CD93: variants seen among roughly 807,000 people sequenced by gnomAD.
The protein encoded by CD93 is complement component C1q receptor.
CD93 carries 44 observed loss-of-function variants against 45.5 expected under a neutral mutation model. The observed-to-expected ratio is 0.97, with a 90% confidence interval of 0.76 to 1.24. The LOEUF (loss-of-function observed/expected upper bound fraction) is 1.24, where lower values mean the gene tolerates loss of function less well. CD93 is among the 50% of genes most tolerant of loss of function. The pLI is 0.00. For missense variants in CD93, 918 were observed against 844.5 expected (o/e 1.09, Z -1.08); for synonymous variants, 431 against 370.8 (o/e 1.16, Z -1.87).
In CD93 at chr20:23,082,316, A is replaced by C. The variant is rs943751400; in HGVS notation, c.*1634T>G. 6.6e-6 allele frequency: 1 copy of C among 152,234 alleles called. No homozygotes were observed. Among genetic ancestry groups the C allele is most frequent in the Middle Eastern group, 3.2e-3 (1 of 316 alleles). The allele number at this position is 152,234 out of a possible 1,614,324, so 9.4% of individuals were successfully genotyped here. On this transcript the variant is annotated 3_prime_UTR_variant, in exon 2 of 2. Coordinates refer to ENST00000246006, the MANE Select transcript of CD93 (RefSeq NM_012072.4). ...CTCCAGAGTGTCACCTCAGAGACCG[A>C]TGCATTGCTAAGGCAAAACCAGAAA... is the stretch of plus-strand genomic sequence containing the variant.
Position 23,083,608 on chromosome 20 carries a change from G to C in CD93, c.*342C>G, listed in dbSNP as rs922439971. 1.9e-5 allele frequency: 7 copies of C among 367,714 alleles called. No homozygotes were observed. Among genetic ancestry groups the C allele is most frequent in the Non-Finnish European group, 3.0e-5 (6 of 198,604 alleles). 22.8% of individuals were successfully genotyped at this position (367,714 alleles called of 1,614,324 possible). The stretch of plus-strand genomic sequence containing the variant: ...TTTTCCTCTTAGATGGTGGAAGTGA[G>C]CAGAGAAGATATTCAGGGGAGCCCC... On this transcript the variant is annotated 3_prime_UTR_variant, in exon 2 of 2. Transcript: ENST00000246006.
chr20:23,085,040 C>A lies in CD93; in HGVS notation c.1153G>T (p.Asp385Tyr). 3 of 1,613,918 alleles carry A rather than the reference C, an allele frequency of 1.9e-6. No homozygotes were observed. The highest frequency in any genetic ancestry group is 2.5e-6 in the Non-Finnish European group (3 of 1,179,950). ...CGACCCAGAGCACACTCATCCACAT[C>A]CTGACAGGCCCCCTCTCCAGGACCG... is the stretch of plus-strand genomic sequence containing the variant. ...PGGPGEGACQ[D>Y]VDECALGRSP... The change falls in exon 1 of 2, where the codon GAT becomes TAT. Residue 385 changes from aspartate (D) to tyrosine (Y), a missense_variant. By Grantham distance (160) the Asp-to-Tyr change is radical. Transcript: ENST00000246006.
Position 23,085,101 on chromosome 20 carries a change from G to A in CD93, c.1092C>T (p.Gly364=), listed in dbSNP as rs200444106. ...CAQECVNTPG[G]FRCECWVGYE... is the part of the protein sequence containing the mutation. ...AGCCAACCCAGCATTCGCAGCGGAA[G>A]CCCCCAGGGGTGTTGACACACTCCT... Residue 364 remains glycine (G), a synonymous_variant, in exon 1 of 2, where the codon GGC becomes GGT. Coordinates refer to ENST00000246006, the MANE Select transcript of CD93 (RefSeq NM_012072.4). The A allele has an allele frequency of 1.1e-5, 17 of 1,602,392 alleles. No homozygotes were observed. The South Asian group carries it at 1.9e-4, about 18-fold the overall frequency.
rs554324618 is a variant in CD93 at position 23,084,237 on chromosome 20, G to A, written c.1934+22C>T. On this transcript the variant is annotated intron_variant, in intron 1 of 1. Transcript: ENST00000246006. ...CCCATGCCTGCCCATCCCCTCCCCCGGTCACTCAGGGCCCCCTTTACCTGT... is the reference window on the plus strand; with the variant it reads ...CCCATGCCTGCCCATCCCCTCCCCCAGTCACTCAGGGCCCCCTTTACCTGT... 2.9e-5 allele frequency: 46 copies of A among 1,608,370 alleles called. No individual in the cohort carries two copies. In the South Asian group the frequency reaches 3.3e-4, roughly 12 times the overall value.
In CD93 at chr20:23,085,055, C is replaced by G; in HGVS notation, c.1138G>C (p.Glu380Gln). ...TCATCCACATCCTGACAGGCCCCCT[C>G]TCCAGGACCGCCCGGCTCATAGCCA... ...WVGYEPGGPG[E>Q]GACQDVDECA... The change falls in exon 1 of 2, where the codon GAG becomes CAG. Residue 380 changes from glutamate (E) to glutamine (Q), a missense_variant. By Grantham distance (29) the Glu-to-Gln change is conservative. Transcript: ENST00000246006. 6.2e-7 allele frequency: 1 copy of G among 1,613,700 alleles called. No homozygotes were observed. The highest frequency in any genetic ancestry group is 8.5e-7 in the Non-Finnish European group (1 of 1,179,838).
Position 23,085,369 on chromosome 20 carries a change from C to G in CD93, c.824G>C (p.Cys275Ser). The G allele has an allele frequency of 6.2e-7, 1 of 1,614,024 alleles. No homozygotes were observed. The highest frequency in any genetic ancestry group is 1.1e-5 in the South Asian group (1 of 91,086). ...GAAGGAGCCATCCCCCCCTTCAAAG[C>G]AGTCCTGGTGGCAGCCCCCATTGTT... ...NFNNGGCHQD[C>S]FEGGDGSFLC... The change falls in exon 1 of 2, where the codon TGC becomes TCC. Residue 275 changes from cysteine to serine, a missense_variant. Cys to Ser is a moderately radical substitution (Grantham distance 112). Transcript: ENST00000246006.
chr20:23,083,601 G>C lies in CD93; in HGVS notation c.*349C>G, dbSNP rs1985383793. The C allele has an allele frequency of 3.1e-6, 1 of 325,956 alleles. No homozygotes were observed. Among genetic ancestry groups the C allele is most frequent in the Non-Finnish European group, 5.7e-6 (1 of 174,790 alleles). 20.2% of individuals were successfully genotyped at this position (325,956 alleles called of 1,614,324 possible). A position where few individuals can be genotyped will look rare whatever the true frequency, so the allele number is the denominator to read the frequency against. ...ACTCACCTTTTCCTCTTAGATGGTG[G>C]AAGTGAGCAGAGAAGATATTCAGGG... On this transcript the variant is annotated 3_prime_UTR_variant, in exon 2 of 2. Coordinates refer to ENST00000246006, the MANE Select transcript of CD93 (RefSeq NM_012072.4).
Position 23,085,519 on chromosome 20 carries a change from C to T in CD93, c.674G>A (p.Cys225Tyr). Residue 225 changes from cysteine (C) to tyrosine (Y), a missense_variant, in exon 1 of 2, where the codon TGT becomes TAT. By Grantham distance (194) the Cys-to-Tyr change is radical. Coordinates refer to ENST00000246006, the MANE Select transcript of CD93 (RefSeq NM_012072.4). Reference protein sequence around the residue: ...VPFASAANVACGEGDKDETQS... With the variant: ...VPFASAANVAYGEGDKDETQS... The stretch of plus-strand genomic sequence containing the variant: ...AGTCTCGTCCTTGTCACCTTCCCCA[C>T]AGGCTACATTGGCCGCAGAGGCAAA... The T allele has an allele frequency of 6.2e-7, 1 of 1,613,954 alleles. No individual in the cohort carries two copies. The highest frequency in any genetic ancestry group is 1.3e-5 in the African/African-American group (1 of 75,064).
In CD93 at chr20:23,084,493, G is replaced by C. The variant is rs746983291; in HGVS notation, c.1700C>G (p.Ser567Cys). The change falls in exon 1 of 2, where the codon TCC becomes TGC. Residue 567 changes from serine (S) to cysteine (C), a missense_variant. Transcript: ENST00000246006. ...GCCATCGTTGTTTTGTGTGGCCACG[G>C]AGGAGTCCCCACCTGCAGGCTCCTG... ...GPQEPAGGDS[S>C]VATQNNDGTD... 6.2e-7 allele frequency: 1 copy of C among 1,614,140 alleles called. No homozygotes were observed. The highest frequency in any genetic ancestry group is 8.5e-7 in the Non-Finnish European group (1 of 1,180,048).
In CD93 at chr20:23,084,911, C is replaced by G; in HGVS notation, c.1282G>C (p.Val428Leu). Residue 428 changes from valine to leucine, a missense_variant, in exon 1 of 2, where the codon GTG (valine) becomes CTG (leucine). Physicochemically the swap from Val to Leu is conservative, Grantham distance 32 (BLOSUM62 1). Transcript: ENST00000246006. ...AGEDGTQCQDVDECVGPGGPL... is the reference protein window; with the variant it reads ...AGEDGTQCQDLDECVGPGGPL... ...CCCCCCGGGCCCACACACTCATCCA[C>G]GTCCTGGCACTGAGTCCCGTCCTCC... The G allele has an allele frequency of 6.2e-7, 1 of 1,613,260 alleles. No individual in the cohort carries two copies. Among genetic ancestry groups the G allele is most frequent in the Non-Finnish European group, 8.5e-7 (1 of 1,179,922 alleles).
In CD93 at chr20:23,081,861, G is replaced by T. The variant is rs867588576; in HGVS notation, c.*2089C>A. On this transcript the variant is annotated 3_prime_UTR_variant, in exon 2 of 2. Transcript: ENST00000246006. ...TGTCTCCTTCACCCCAAATGATAAG[G>T]GCAAGGATTTTCAAGGCCCAGAGGG... 5 of 152,234 alleles carry T rather than the reference G, an allele frequency of 3.3e-5. No individual in the cohort carries two copies. The highest frequency in any genetic ancestry group is 2.1e-4 in the South Asian group (1 of 4,834). The allele number at this position is 152,234 out of a possible 1,614,324, so 9.4% of individuals were successfully genotyped here.
In CD93 at chr20:23,085,904, G is replaced by T. The variant is rs775748622; in HGVS notation, c.289C>A (p.Leu97Ile). The T allele has an allele frequency of 6.2e-7, 1 of 1,603,394 alleles. No individual in the cohort carries two copies. The highest frequency in any genetic ancestry group is 1.1e-5 in the South Asian group (1 of 88,878). The change falls in exon 1 of 2, where the codon CTC becomes ATC. Residue 97 changes from leucine (L) to isoleucine (I), a missense_variant. Leu to Ile is a conservative substitution (Grantham distance 5, BLOSUM62 2). Coordinates refer to ENST00000246006, the MANE Select transcript of CD93 (RefSeq NM_012072.4). The stretch of plus-strand genomic sequence containing the variant: ...AGGCACTTGCCCTTCTCTCGCTGGA[G>T]CCCAATCCAGAACTTGCTCATCCTC... ...TARMSKFWIG[L>I]QREKGKCLDP...
At position 23,082,123 on chromosome 20, in the gene CD93, T is replaced by G. The variant is rs180859518; in HGVS notation, c.*1827A>C. The stretch of plus-strand genomic sequence containing the variant: ...CAACTGAAAACTGGAGACCATGAGA[T>G]GACTTTAAAAAGAAGTTCCAAATGC... On this transcript the variant is annotated 3_prime_UTR_variant, in exon 2 of 2. Transcript: ENST00000246006. 8 of 152,296 alleles carry G rather than the reference T, an allele frequency of 5.3e-5. No homozygotes were observed. The highest frequency in any genetic ancestry group is 1.9e-4 in the African/African-American group (8 of 41,552). The allele number at this position is 152,296 out of a possible 1,614,324, so 9.4% of individuals were successfully genotyped here.
At chr20:23,084,124 G>A in intron 1 of CD93, 135 bp downstream of exon 1, 3 of 1,407,378 alleles carry the variant, frequency 2.1e-6, no homozygotes, top group Non-Finnish European at 3.0e-6. Flanking sequence ...GGGAGGTTGA[G>A]GGGTCAGCTG....
chr20:23,081,776 G>A lies in CD93; in HGVS notation c.*2174C>T, dbSNP rs987705585. On this transcript the variant is annotated 3_prime_UTR_variant, in exon 2 of 2. Transcript: ENST00000246006. ...GAACACTGTGAAAATAGGAGGGCTCGTTGGATCCCAGGAATCATACACAGA... is the reference window on the plus strand; with the variant it reads ...GAACACTGTGAAAATAGGAGGGCTCATTGGATCCCAGGAATCATACACAGA... The A allele has an allele frequency of 3.3e-5, 5 of 152,288 alleles. No homozygotes were observed. The highest frequency in any genetic ancestry group is 2.1e-4 in the South Asian group (1 of 4,834). The allele number at this position is 152,288 out of a possible 1,614,324, so 9.4% of individuals were successfully genotyped here.
At position 23,083,707 on chromosome 20, in the gene CD93, T is replaced by C; in HGVS notation, c.*243A>G. ...TTTGAAAAGGGAGGGGGAGTAACAA[T>C]CATTATAGAGTCACGAAATCCCCAC... On this transcript the variant is annotated 3_prime_UTR_variant, in exon 2 of 2. Coordinates refer to ENST00000246006, the MANE Select transcript of CD93 (RefSeq NM_012072.4). The C allele has an allele frequency of 1.7e-6, 1 of 576,292 alleles. No individual in the cohort carries two copies. Among genetic ancestry groups the C allele is most frequent in the Non-Finnish European group, 3.1e-6 (1 of 321,816 alleles). The allele number at this position is 576,292 out of a possible 1,614,324, so 35.7% of individuals were successfully genotyped here.
chr20:23,084,774 A>G lies in CD93; in HGVS notation c.1419T>C (p.Ser473=). The G allele has an allele frequency of 1.2e-6, 2 of 1,612,530 alleles. No homozygotes were observed. The highest frequency in any genetic ancestry group is 1.7e-6 in the Non-Finnish European group (2 of 1,179,756). ...NGVSCTMGPV[S]LGPPSGPPDE... is the part of the protein sequence containing the mutation. Reference sequence around the variant, plus strand: ...CGGGGGGCCCAGATGGTGGTCCCAGAGACACAGGCCCCATGGTGCAAGAGA... The same window carrying G: ...CGGGGGGCCCAGATGGTGGTCCCAGGGACACAGGCCCCATGGTGCAAGAGA... Residue 473 remains serine, a synonymous_variant, in exon 1 of 2, where the codon TCT becomes TCC. Coordinates refer to ENST00000246006, the MANE Select transcript of CD93 (RefSeq NM_012072.4).
At position 23,085,354 on chromosome 20, in the gene CD93, T is replaced by TC. The variant is rs1276928429; in HGVS notation, c.838dup (p.Asp280GlyfsTer17). The TC allele has an allele frequency of 1.9e-6, 3 of 1,613,484 alleles. No individual in the cohort carries two copies. Among genetic ancestry groups the TC allele is most frequent in the East Asian group, 2.2e-5 (1 of 44,840 alleles). On this transcript the variant is annotated frameshift_variant, in exon 1 of 2. Transcript: ENST00000246006. LOFTEE classifies it high-confidence loss of function. Reference sequence around the variant, plus strand: ...TCGGCAGCCGCAGAGGAAGGAGCCATCCCCCCCTTCAAAGCAGTCCTGGTG... The same window carrying TC: ...TCGGCAGCCGCAGAGGAAGGAGCCATCCCCCCCCTTCAAAGCAGTCCTGGTG...
In CD93 at chr20:23,085,680, G is replaced by C. The variant is rs759482480; in HGVS notation, c.513C>G (p.Pro171=). 5 of 1,610,226 alleles carry C rather than the reference G, an allele frequency of 3.1e-6. No individual in the cohort carries two copies. Among genetic ancestry groups the C allele is most frequent in the Non-Finnish European group, 3.4e-6 (4 of 1,179,182 alleles). Residue 171 remains proline (P), a synonymous_variant, in exon 1 of 2, where the codon CCC becomes CCG. Coordinates refer to ENST00000246006, the MANE Select transcript of CD93 (RefSeq NM_012072.4). ...SEGPCGSPGS[P]GSNIEGFVCK... is the part of the protein sequence containing the mutation. Reference sequence around the variant, plus strand: ...ACACGAAGCCCTCAATGTTACTTCCGGGGGAGCCTGGGCTCCCACAGGGGC... The same window carrying C: ...ACACGAAGCCCTCAATGTTACTTCCCGGGGAGCCTGGGCTCCCACAGGGGC...
Sources: gnomAD v4.1 joint callset for allele counts on GRCh38, gnomAD v4.1.1 for gene constraint, MANE v1.5 for transcripts, NCBI Gene and HGNC (gene_info 2026-07-23, HGNC 2026-07-21) for gene names.